C13orf42: variants seen among roughly 807,000 people sequenced by gnomAD.
The protein encoded by C13orf42 is uncharacterized protein C13orf42.
chr13:51,098,612 C>T (rs570937222), intron 1 of C13orf42, among the ~76,000 whole-genome samples: 2 of 152,248 alleles, frequency 1.3e-5, no homozygotes, highest in East Asian at 3.9e-4. Context: ...TGACATACCC[C>T]TACTGATAAA....
chr13:51,157,480 A>C (rs1168217457), intron 1 of C13orf42, among the ~76,000 whole-genome samples: 1 of 152,182 alleles, frequency 6.6e-6, no homozygotes, highest in Non-Finnish European at 1.5e-5. Flanking sequence ...TAAAATTCCC[A>C]CACCAAAGAG....
chr13:51,153,328 T>C (rs985353075), intron 1 of C13orf42, among the ~76,000 whole-genome samples: 2 of 151,910 alleles, frequency 1.3e-5, no homozygotes, highest in Non-Finnish European at 2.9e-5. Context: ...ATGCACCCCC[T>C]GCATGCCCAG....
At chr13:51,148,570 GC>G (rs1953755827) in intron 1 of C13orf42, among the ~76,000 whole-genome samples, 1 of 152,214 alleles carries the variant, frequency 6.6e-6, no homozygotes. Context: ...CACAGCTCAT[GC>G]AATCCCCTGA....
At chr13:51,159,896 G>C (rs1953851493) in intron 1 of C13orf42, among the ~76,000 whole-genome samples, 1 of 152,192 alleles carries the variant, frequency 6.6e-6, no homozygotes, top group Non-Finnish European at 1.5e-5. Context: ...CACATGGCTA[G>C]GGAAACTCTC....
chr13:51,107,123 A>T (rs972299472), intron 1 of C13orf42, among the ~76,000 whole-genome samples: 4 of 152,200 alleles, frequency 2.6e-5, no homozygotes, highest in African/African-American at 4.8e-5. Context: ...CCATCGACCC[A>T]CATGGGTGGT....
intron 1 of C13orf42, among the ~76,000 whole-genome samples, chr13:51,088,438 G>A (rs1016661766): frequency 3.9e-5 from 6 of 152,022 alleles, no homozygotes; most frequent in South Asian, 2.1e-4. Flanking sequence ...GTGGTGAGAC[G>A]CTCACCACAG....
chr13:51,156,145 A>G (rs927548785), intron 1 of C13orf42, among the ~76,000 whole-genome samples: 1 of 152,184 alleles, frequency 6.6e-6, no homozygotes, highest in Non-Finnish European at 1.5e-5. Context: ...GAAGGAAAGC[A>G]GTCCCATGGG....
chr13:51,111,288 G>T, upstream of C13orf42: 1 of 397,872 alleles, frequency 2.5e-6, no homozygotes, highest in South Asian at 1.4e-4. Context: ...GAGAGAAGCC[G>T]ACATCCAGGC....
intron 1 of C13orf42, among the ~76,000 whole-genome samples, chr13:51,149,223 A>G (rs1229222266): frequency 6.6e-6 from 1 of 152,016 alleles, no homozygotes; most frequent in African/African-American, 2.4e-5. Flanking sequence ...GAGAATTCCA[A>G]ATCATTTAAT....
chr13:51,162,530 TTGTC>T (rs1953874393), intron 1 of C13orf42, among the ~76,000 whole-genome samples: 2 of 152,328 alleles, frequency 1.3e-5, no homozygotes, highest in African/African-American at 4.8e-5. Flanking sequence ...TGTTTTTAGT[TTGTC>T]TATTTTATTT....
At chr13:51,146,933 G>C (rs1953740215) in intron 1 of C13orf42, among the ~76,000 whole-genome samples, 1 of 152,200 alleles carries the variant, frequency 6.6e-6, no homozygotes, top group Non-Finnish European at 1.5e-5. Context: ...ACCAAACCAG[G>C]TTCCTCAACC....
intron 1 of C13orf42, among the ~76,000 whole-genome samples, chr13:51,153,627 T>C (rs999428291): frequency 7.0e-6 from 1 of 142,560 alleles, no homozygotes; most frequent in African/African-American, 2.7e-5. Flanking sequence ...TTCTGTTTTT[T>C]TTCTTTTTTT....
intron 1 of C13orf42, among the ~76,000 whole-genome samples, chr13:51,108,214 C>T (rs1051675335): frequency 7.9e-5 from 12 of 152,236 alleles, no homozygotes; most frequent in Non-Finnish European, 1.8e-4. Flanking sequence ...TAACTAATTA[C>T]ATCTGCAATC....
intron 1 of C13orf42, among the ~76,000 whole-genome samples, chr13:51,106,269 A>G (rs1953354820): frequency 6.6e-6 from 1 of 152,204 alleles, no homozygotes; most frequent in South Asian, 2.1e-4. Flanking sequence ...AAAGAAGCCC[A>G]GTCTCTCCCA....
chr13:51,142,797 G>T (rs1934743), intron 1 of C13orf42, among the ~76,000 whole-genome samples: 93,509 of 151,640 alleles, frequency 0.62, 29,126 homozygotes, highest in African/African-American at 0.7. Flanking sequence ...GAAAAATAAT[G>T]TTATATAAGA....
At chr13:51,148,447 C>A (rs1032697494) in intron 1 of C13orf42, among the ~76,000 whole-genome samples, 1 of 152,216 alleles carries the variant, frequency 6.6e-6, no homozygotes, top group African/African-American at 2.4e-5. Context: ...GGGTGCCATG[C>A]AGAGAACAAT....
chr13:51,100,232 T>C (rs1953275059), intron 1 of C13orf42, among the ~76,000 whole-genome samples: 1 of 151,928 alleles, frequency 6.6e-6, no homozygotes, highest in Non-Finnish European at 1.5e-5. Flanking sequence ...GCAATTGACC[T>C]TGGAACATGG....
intron 1 of C13orf42, among the ~76,000 whole-genome samples, 173 bp from the exon 2 acceptor site, chr13:51,088,248 A>C (rs1953150621): frequency 6.6e-6 from 1 of 152,210 alleles, no homozygotes; most frequent in Non-Finnish European, 1.5e-5. Context: ...CCAGGTCCAT[A>C]ATTGCTGTAG....
intron 1 of C13orf42, among the ~76,000 whole-genome samples, chr13:51,134,537 A>G (rs1239096020): frequency 6.6e-6 from 1 of 152,216 alleles, no homozygotes; most frequent in African/African-American, 2.4e-5. Flanking sequence ...GAATGAACAT[A>G]TACTCATTTC....
Sources: gnomAD v4.1 joint callset for allele counts (sites outside exome capture counted in the v4.1 genomes callset) on GRCh38, gnomAD v4.1.1 for gene constraint, MANE v1.5 for transcripts, NCBI Gene and HGNC (gene_info 2026-07-23, HGNC 2026-07-21) for gene names.